The following HMGB1 variants were observed in gnomAD, a reference collection of about 807,000 sequenced individuals.
The protein encoded by HMGB1 is high mobility group protein B1.
For synonymous variants in HMGB1, 81 were observed against 84.0 expected (o/e 0.96, Z 0.19); for missense variants, 79 against 253.5 (o/e 0.31, Z 4.67).
At chr13:30,579,492 A>G (rs978272920) in intron 1 of HMGB1, among the ~76,000 whole-genome samples, 6 of 152,222 alleles carry the variant, frequency 3.9e-5, no homozygotes, top group African/African-American at 9.6e-5. Flanking sequence ...CAGCTATAAT[A>G]TAAGTCTACC....
chr13:30,539,865 TTTTTC>T (rs1488989130), intron 1 of HMGB1: 1 of 153,720 alleles, frequency 6.5e-6, no homozygotes, highest in African/African-American at 2.4e-5. Flanking sequence ...TCCGTCCTTC[TTTTTC>T]TTTTCCTCTG....
intron 1 of HMGB1, among the ~76,000 whole-genome samples, chr13:30,497,804 G>A (rs1006376181): frequency 1.3e-5 from 2 of 152,034 alleles, no homozygotes; most frequent in African/African-American, 2.4e-5. Flanking sequence ...TTTATGGCTG[G>A]GTAGTATTCC....
At chr13:30,491,301 A>C (rs1887486384) in intron 1 of HMGB1, among the ~76,000 whole-genome samples, 1 of 152,162 alleles carries the variant, frequency 6.6e-6, no homozygotes, top group Admixed American at 6.5e-5. Context: ...AAGTGCTGAG[A>C]TTACAGGCGT....
At chr13:30,584,299 A>G (rs1436405862) in intron 1 of HMGB1, among the ~76,000 whole-genome samples, 1 of 152,114 alleles carries the variant, frequency 6.6e-6, no homozygotes, top group African/African-American at 2.4e-5. Context: ...GAACATGTGC[A>G]CTTTTTCTTT....
intron 1 of HMGB1, chr13:30,554,141 C>G: frequency 7.8e-7 from 1 of 1,276,798 alleles, no homozygotes. Context: ...CACAGTACAT[C>G]TACTACGATT....
At chr13:30,571,325 C>T (rs1195991623) in intron 1 of HMGB1, among the ~76,000 whole-genome samples, 1 of 147,948 alleles carries the variant, frequency 6.8e-6, no homozygotes, top group South Asian at 2.1e-4. Context: ...GATGGAGTCT[C>T]GCTCTCTCGC....
At chr13:30,481,891 T>C (rs780874908) in intron 1 of HMGB1, among the ~76,000 whole-genome samples, 80 of 152,138 alleles carry the variant, frequency 5.3e-4, no homozygotes, top group Non-Finnish European at 8.1e-4. Context: ...AGTGCAGTGG[T>C]GCCTCTTGGC....
At chr13:30,487,884 A>G (rs1887398198) in intron 1 of HMGB1, among the ~76,000 whole-genome samples, 1 of 152,178 alleles carries the variant, frequency 6.6e-6, no homozygotes, top group Admixed American at 6.5e-5. Context: ...TTTAGAACTG[A>G]ACTAAAAACT....
intron 1 of HMGB1, among the ~76,000 whole-genome samples, chr13:30,596,201 C>G (rs1341371483): frequency 6.6e-6 from 1 of 152,154 alleles, no homozygotes; most frequent in Non-Finnish European, 1.5e-5. Context: ...ACAATATTCT[C>G]TCCCTTTATA....
intron 1 of HMGB1, among the ~76,000 whole-genome samples, chr13:30,523,614 G>T (rs977404260): frequency 5.3e-5 from 8 of 151,988 alleles, no homozygotes; most frequent in African/African-American, 1.9e-4. Flanking sequence ...TGCATATGCT[G>T]GTGTGGTTGA....
chr13:30,609,903 G>A (rs1272342565), intron 1 of HMGB1, among the ~76,000 whole-genome samples: 4 of 152,068 alleles, frequency 2.6e-5, no homozygotes, highest in African/African-American at 9.7e-5. Context: ...CATCCAAATT[G>A]CTGCAAAAGA....
At chr13:30,544,403 A>G (rs188254212) in intron 1 of HMGB1, among the ~76,000 whole-genome samples, 1 of 152,352 alleles carries the variant, frequency 6.6e-6, no homozygotes, top group East Asian at 1.9e-4. Flanking sequence ...GAACAAGGCA[A>G]GATTGGAGAG....
chr13:30,501,431 A>T (rs1228846369), intron 1 of HMGB1, among the ~76,000 whole-genome samples: 1 of 152,150 alleles, frequency 6.6e-6, no homozygotes, highest in Non-Finnish European at 1.5e-5. Context: ...CTGTAACCTA[A>T]ATGTGTACGT....
intron 1 of HMGB1, among the ~76,000 whole-genome samples, chr13:30,544,457 G>A (rs1319112219): frequency 2.6e-5 from 4 of 152,226 alleles, no homozygotes; most frequent in African/African-American, 9.6e-5. Flanking sequence ...GGAGGGAAGA[G>A]GGGCGGAAGG....
At chr13:30,611,851 T>TAA (rs60637307) in intron 1 of HMGB1, among the ~76,000 whole-genome samples, 271 of 120,600 alleles carry the variant, frequency 2.2e-3, no homozygotes, top group African/African-American at 6.2e-3. Flanking sequence ...ACAGTAAATG[T>TAA]AAAAAAAAAA....
At chr13:30,505,336 G>A (rs1887831147) in intron 1 of HMGB1, among the ~76,000 whole-genome samples, 1 of 151,954 alleles carries the variant, frequency 6.6e-6, no homozygotes, top group Non-Finnish European at 1.5e-5. Context: ...GTGCCACCAG[G>A]CCTGGCTAAT....
chr13:30,462,212 T>C (rs1886391333), intron 4 of HMGB1: 1 of 371,700 alleles, frequency 2.7e-6, no homozygotes. Context: ...TTACTTTGTC[T>C]AGCCTGTTTT....
In HMGB1 at chr13:30,536,057, G is replaced by A. The variant is rs1027970235; in HGVS notation, c.-14-72363C>T. ...ATATTTTAAATTTGATTTTCTTACC[G>A]TGTACACTACAGAACTAGATAAAAA... On this transcript the variant is annotated intron_variant, in intron 1 of 4. Coordinates refer to the HMGB1 transcript ENST00000405805. 7.9e-5 allele frequency among the ~76,000 whole-genome samples: 12 copies of A among 152,092 alleles called. No homozygotes were observed. In the South Asian group the frequency reaches 1.0e-3, roughly 13 times the overall value.
At position 30,459,285 on chromosome 13, in the gene HMGB1, T is replaced by C. The variant is rs1886152884; in HGVS notation, c.*2072A>G. The C allele has an allele frequency of 6.6e-6, 1 of 152,186 alleles. No individual in the cohort carries two copies. The highest frequency in any genetic ancestry group is 6.5e-5 in the Admixed American group (1 of 15,286). 9.4% of individuals were successfully genotyped at this position (152,186 alleles called of 1,614,324 possible). On this transcript the variant is annotated 3_prime_UTR_variant, in exon 5 of 5. Transcript: ENST00000341423. ...TAATCTTCAGATTGAAGAGGGGTTT[T>C]GTCCATTTTCTTAAGATCTGTGGTC...
Sources: gnomAD v4.1 joint callset for allele counts (sites outside exome capture counted in the v4.1 genomes callset) on GRCh38, gnomAD v4.1.1 for gene constraint, MANE v1.5 for transcripts, NCBI Gene and HGNC (gene_info 2026-07-23, HGNC 2026-07-21) for gene names.